The following SLC17A9 variants were observed in gnomAD, a reference collection of about 807,000 sequenced individuals.
The protein encoded by SLC17A9 is voltage-gated purine nucleotide uniporter SLC17A9.
Under a neutral mutation model 55.0 loss-of-function variants are expected in SLC17A9, and 49 were observed. That is an observed-to-expected ratio of 0.89 (90% CI 0.71 to 1.13). The LOEUF (loss-of-function observed/expected upper bound fraction) is 1.13. Ranked by LOEUF, SLC17A9 falls within the 50% of genes most tolerant of loss-of-function variation. The pLI is 0.00. For synonymous variants in SLC17A9, 256 were observed against 247.4 expected (o/e 1.03, Z -0.32); for missense variants, 526 against 569.3 (o/e 0.92, Z 0.77).
chr20:62,963,700 AG>A lies in SLC17A9; in HGVS notation c.822+23del. Reference sequence around the variant, plus strand: ...GCCAAGGTGAGTCGGGGGCTCCCGCAGGGTGAAGGAGCGCCCAGAAGGCACG... The same window carrying A: ...GCCAAGGTGAGTCGGGGGCTCCCGCAGGTGAAGGAGCGCCCAGAAGGCACG... On this transcript the variant is annotated intron_variant, in intron 7 of 12. Transcript: ENST00000370351. The A allele has an allele frequency of 6.4e-7, 1 of 1,562,342 alleles. No individual in the cohort carries two copies. Among genetic ancestry groups the A allele is most frequent in the East Asian group, 2.3e-5 (1 of 42,592 alleles).
chr20:62,966,861 G>T (rs908501477), intron 12 of SLC17A9, 129 bp downstream of exon 12: 1 of 1,214,818 alleles, frequency 8.2e-7, no homozygotes, highest in Non-Finnish European at 1.1e-6. Context: ...ACAGACCCCA[G>T]AGCAGGCCCA....
At position 62,965,600 on chromosome 20, in the gene SLC17A9, T is replaced by C; in HGVS notation, c.946-10T>C. 1 of 1,610,280 alleles carries C rather than the reference T, an allele frequency of 6.2e-7. No individual in the cohort carries two copies. Among genetic ancestry groups the C allele is most frequent in the Non-Finnish European group, 8.5e-7 (1 of 1,179,594 alleles). On this transcript the variant is annotated splice_polypyrimidine_tract_variant and intron_variant, in intron 9 of 12. Coordinates refer to ENST00000370351, the MANE Select transcript of SLC17A9 (RefSeq NM_022082.4). ...GGGTGCCTCTCCGTCACGGTGGCGC[T>C]TTCCTGCAGGGCATGGGCCTTGGCC...
intron 9 of SLC17A9, 101 bp from the exon 10 acceptor site, chr20:62,965,509 T>G: frequency 2.7e-6 from 3 of 1,115,526 alleles, no homozygotes; most frequent in Non-Finnish European, 4.0e-6. Flanking sequence ...ACCTGACCGT[T>G]GTGCGGTGCG....
At chr20:62,956,998 G>A in intron 2 of SLC17A9, 36 bp downstream of exon 2, 1 of 1,611,796 alleles carries the variant, frequency 6.2e-7, no homozygotes, top group South Asian at 1.1e-5. Flanking sequence ...TGGCTGGTGG[G>A]GGCCGCCCCA....
rs992719420 is a variant in SLC17A9, at chr20:62,967,700, C to T, written c.*200C>T. 2.3e-5 allele frequency: 13 copies of T among 563,964 alleles called. No individual in the cohort carries two copies. Among genetic ancestry groups the T allele is most frequent in the Admixed American group, 2.0e-4 (6 of 30,414 alleles). The allele number at this position is 563,964 out of a possible 1,614,324, so 34.9% of individuals were successfully genotyped here. ...GGTGGGCCTGGGTCCAGACCAGGCT[C>T]GCTGCTCTCTGGGCCTCAGTTTCCC... On this transcript the variant is annotated 3_prime_UTR_variant, in exon 13 of 13. Transcript: ENST00000370351.
chr20:62,957,023 G>A, intron 2 of SLC17A9, 61 bp downstream of exon 2: 4 of 1,603,668 alleles, frequency 2.5e-6, no homozygotes, highest in Non-Finnish European at 3.4e-6. Flanking sequence ...GGCCTCCAGG[G>A]GCGAGTGGGC....
intron 1 of SLC17A9, among the ~76,000 whole-genome samples, chr20:62,954,124 T>C (rs1031757043): frequency 9.3e-5 from 11 of 118,026 alleles, no homozygotes; most frequent in Non-Finnish European, 1.7e-4. Context: ...AAAGGAGCCC[T>C]TGCCGCAGCC....
rs549601475 is a variant in SLC17A9 at position 62,962,376 on chromosome 20, C to T, written c.498-248C>T. On this transcript the variant is annotated intron_variant, in intron 4 of 12. Transcript: ENST00000370351. The surrounding 1 kb of genome is among the most constrained non-coding windows in gnomAD (Gnocchi z 5.5). ...CAATGTGAGTTCCACAGCAGCCGCC[C>T]GACTGGGACACATGCGTGGCTGGTC... 118 of 368,276 alleles carry T rather than the reference C, an allele frequency of 3.2e-4. 1 individual carries two copies. Among genetic ancestry groups the T allele is most frequent in the Non-Finnish European group, 5.0e-4 (100 of 200,580 alleles). 22.8% of individuals were successfully genotyped at this position (368,276 alleles called of 1,614,324 possible).
Position 62,965,691 on chromosome 20 carries a change from T to A in SLC17A9, c.1027T>A (p.Ser343Thr). ...CTTCTGTGAGTCTGTGGTCTTTGCA[T>A]CAGCCTCCATCGGCCTCCAGACCTT... Reference protein sequence around the residue: ...SSFCESVVFASASIGLQTFNH... With the variant: ...SSFCESVVFATASIGLQTFNH... Residue 343 changes from serine to threonine, a missense_variant, in exon 10 of 13, where the codon TCA becomes ACA. By Grantham distance (58) the Ser-to-Thr change is moderately conservative. Coordinates refer to ENST00000370351, the MANE Select transcript of SLC17A9 (RefSeq NM_022082.4). 1 of 1,613,934 alleles carries A rather than the reference T, an allele frequency of 6.2e-7. No individual in the cohort carries two copies. The highest frequency in any genetic ancestry group is 8.5e-7 in the Non-Finnish European group (1 of 1,180,008).
At chr20:62,964,197 GC>G (rs776110636) in intron 7 of SLC17A9, 30 bp from the exon 8 acceptor site, 22 of 1,611,370 alleles carry the variant, frequency 1.4e-5, no homozygotes, top group Admixed American at 6.7e-5. Context: ...GCCGGCCCTG[GC>G]CCCCTCTAAG....
chr20:62,953,170 G>A, intron 1 of SLC17A9: 1 of 1,542,104 alleles, frequency 6.5e-7, no homozygotes, highest in Non-Finnish European at 8.8e-7. Flanking sequence ...CCCAGGCCAG[G>A]GGCATTGTCC....
chr20:62,956,976 T>G lies in SLC17A9; in HGVS notation c.257+14T>G. 6.2e-7 allele frequency: 1 copy of G among 1,613,114 alleles called. No homozygotes were observed. On this transcript the variant is annotated intron_variant, in intron 2 of 12. Coordinates refer to ENST00000370351, the MANE Select transcript of SLC17A9 (RefSeq NM_022082.4). ...CCTCGGGGATCGGTAACTGCCCATC[T>G]TCCCCATCTCCTGGCTGGTGGGGGC...
At chr20:62,966,785 C>A (rs1240629866) in intron 12 of SLC17A9, 53 bp downstream of exon 12, 1 of 1,583,136 alleles carries the variant, frequency 6.3e-7, no homozygotes, top group African/African-American at 1.4e-5. Flanking sequence ...GGGTTTGAGG[C>A]CACCGAGGTG....
At chr20:62,953,412 G>GC in intron 1 of SLC17A9, 1 of 1,081,012 alleles carries the variant, frequency 9.3e-7, no homozygotes, top group Non-Finnish European at 1.3e-6. Context: ...GCAGGGCCTG[G>GC]GCAGGTCGCC....
intron 8 of SLC17A9, 176 bp from the exon 9 acceptor site, chr20:62,964,956 G>A (rs956825307): frequency 4.5e-6 from 3 of 663,276 alleles, no homozygotes; most frequent in Non-Finnish European, 7.8e-6. Flanking sequence ...CGGCCTCGCG[G>A]CTGCACCCCA....
At position 62,960,458 on chromosome 20, in the gene SLC17A9, G is replaced by T. The variant is rs371985167; in HGVS notation, c.398-46G>T. 8.1e-4 allele frequency: 1,270 copies of T among 1,563,272 alleles called. 1 individual carries two copies. The highest frequency in any genetic ancestry group is 1.1e-3 in the Non-Finnish European group (1,238 of 1,146,472). Reference sequence around the variant, plus strand: ...AACCTGAGCAGATAGGCCGGGAGGAGCCTCCCTGGATGGACCCTGAGAGAC... The same window carrying T: ...AACCTGAGCAGATAGGCCGGGAGGATCCTCCCTGGATGGACCCTGAGAGAC... On this transcript the variant is annotated intron_variant, in intron 3 of 12. Coordinates refer to ENST00000370351, the MANE Select transcript of SLC17A9 (RefSeq NM_022082.4).
At chr20:62,963,147 G>T (rs771623126) in intron 5 of SLC17A9, 126 bp from the exon 6 acceptor site, 1 of 973,266 alleles carries the variant, frequency 1.0e-6, no homozygotes, top group East Asian at 2.6e-5. Context: ...TGGCGCCCAT[G>T]TGCAACCTGA....
chr20:62,965,839 C>A, intron 10 of SLC17A9, 114 bp downstream of exon 10: 1 of 982,120 alleles, frequency 1.0e-6, no homozygotes, highest in Non-Finnish European at 1.5e-6. Context: ...CACACTTCAC[C>A]CCCTTCCCAA....
At position 62,964,236 on chromosome 20, in the gene SLC17A9, C is replaced by A; in HGVS notation, c.831C>A (p.Ile277=). ...CAAACTCCCCCCTGCAGGGCTGGAT[C>A]TTCAACGTGGTTCCTTGGTTGGTGG... The part of the protein sequence containing the change: ...EETFPDAKGW[I]FNVVPWLVAI... The change falls in exon 8 of 13, where the codon ATC becomes ATA. Residue 277 remains isoleucine, a synonymous_variant. Coordinates refer to ENST00000370351, the MANE Select transcript of SLC17A9 (RefSeq NM_022082.4). The A allele has an allele frequency of 6.2e-7, 1 of 1,614,208 alleles. No homozygotes were observed. The highest frequency in any genetic ancestry group is 8.5e-7 in the Non-Finnish European group (1 of 1,180,018).
Sources: allele counts gnomAD v4.1 joint callset (sites outside exome capture counted in the v4.1 genomes callset), GRCh38; gene constraint gnomAD v4.1.1; non-coding constraint Gnocchi (gnomAD v3.1); transcripts MANE v1.5; gene names NCBI Gene and HGNC (gene_info 2026-07-23, HGNC 2026-07-21).